Variants in NBPF15 observed in about 807,000 individuals in gnomAD.
NBPF15 encodes the protein NBPF member 15.
NBPF15 carries 74 observed loss-of-function variants against 62.2 expected under a neutral mutation model. The observed-to-expected ratio is 1.19, with a 90% CI of 0.99 to 1.44. The LOEUF (loss-of-function observed/expected upper bound fraction) is 1.44. NBPF15 is among the 40% of genes most tolerant of loss of function. The pLI is 0.00. For missense variants in NBPF15, 790 were observed against 550.0 expected, an observed-to-expected ratio of 1.44 and a Z score of -4.36; for synonymous variants, 244 against 209.7, an observed-to-expected ratio of 1.16 and a Z score of -1.41.
intron 19 of NBPF15, among the ~76,000 whole-genome samples, chr1:144,425,174 C>G (rs1480968330): frequency 7.2e-6 from 1 of 138,576 alleles, no homozygotes. Flanking sequence ...GAGGGAGTAA[C>G]AGGACACTCT....
At chr1:144,447,268 G>A (rs1420043650) in intron 6 of NBPF15, among the ~76,000 whole-genome samples, 1 of 151,976 alleles carries the variant, frequency 6.6e-6, no homozygotes, top group Non-Finnish European at 1.5e-5. Context: ...ATTTCTTAAT[G>A]CCTTGGTGAG....
In NBPF15 at chr1:144,461,207, G is replaced by T. The variant is rs188718799; in HGVS notation, c.-938+174C>A. The stretch of plus-strand genomic sequence containing the variant: ...GAGTTTCTTCCCCAGCGCCCAAGGA[G>T]GGCTGCGGGCGGCAGCGGCAAGCGA... On this transcript the variant is annotated intron_variant, in intron 1 of 21. Transcript: ENST00000581897. Among the ~76,000 whole-genome samples the T allele has an allele frequency of 6.1e-3, 925 of 152,116 alleles. 13 individuals carry two copies. The highest frequency in any genetic ancestry group is 0.037 in the Middle Eastern group (11 of 294).
At position 144,423,899 on chromosome 1, in the gene NBPF15, T is replaced by A. The variant is rs1571102489; in HGVS notation, c.1740A>T (p.Glu580Asp). 1.3e-6 allele frequency: 1 copy of A among 786,388 alleles called. No homozygotes were observed. Among genetic ancestry groups the A allele is most frequent in the African/African-American group, 1.7e-5 (1 of 59,566 alleles). The allele number at this position is 786,388 out of a possible 1,614,324, so 48.7% of individuals were successfully genotyped here. A position where few individuals can be genotyped will look rare whatever the true frequency, so the allele number is the denominator to read the frequency against. ...SKKKRRRGRK[E>D]GEDDNPPCPR... ...GGCATGGTGGGTTGTCATCTTCCCC[T>A]TCTTTTCTTCCCCTTCTTCTTTTCT... Residue 580 changes from glutamate (E) to aspartate (D), a missense_variant, in exon 21 of 22, where the codon GAA (glutamate) becomes GAT (aspartate). Physicochemically the swap from Glu to Asp is conservative, Grantham distance 45. Coordinates refer to ENST00000581897, the MANE Select transcript of NBPF15 (RefSeq NM_001385408.1).
chr1:144,437,452 T>G (rs1254581336), intron 9 of NBPF15, among the ~76,000 whole-genome samples: 1 of 145,032 alleles, frequency 6.9e-6, no homozygotes, highest in African/African-American at 2.6e-5. Flanking sequence ...ATAGTGCATC[T>G]TGCGGCCACT....
intron 14 of NBPF15, among the ~76,000 whole-genome samples, 168 bp downstream of exon 14, chr1:144,429,532 C>T (rs1467506801): frequency 2.0e-5 from 3 of 146,432 alleles, no homozygotes; most frequent in African/African-American, 7.8e-5. Flanking sequence ...CCACCCCATG[C>T]CTGTGCTTCA....
chr1:144,428,635 T>G lies in NBPF15; in HGVS notation c.1011A>C (p.Lys337Asn). Residue 337 changes from lysine (K) to asparagine (N), a missense_variant, in exon 15 of 22, where the codon AAA becomes AAC. By Grantham distance (94) the Lys-to-Asn change is moderately conservative. Transcript: ENST00000581897. ...GACCTGTTGCCTCTTGGTCCTCCTT[T>G]TTCACTTGATCCCACCGATGTCCTG... is the stretch of plus-strand genomic sequence containing the variant. ...DIGRHRWDQV[K>N]KEDQEATGPR... 1 of 946,002 alleles carries G rather than the reference T, an allele frequency of 1.1e-6. No homozygotes were observed. The highest frequency in any genetic ancestry group is 2.4e-5 in the East Asian group (1 of 42,536). 58.6% of individuals were successfully genotyped at this position (946,002 alleles called of 1,614,324 possible).
At chr1:144,459,655 A>G (rs1553547894) in intron 2 of NBPF15, among the ~76,000 whole-genome samples, 172 bp from the exon 3 acceptor site, 1 of 152,000 alleles carries the variant, frequency 6.6e-6, no homozygotes, top group Non-Finnish European at 1.5e-5. Context: ...AAACAAGCAT[A>G]TCAATGAAAA....
In NBPF15 at chr1:144,440,293, C is replaced by A. The variant is rs1402636181; in HGVS notation, c.-188G>T. ...GATTGTGGCCAGCGTGCCAGGTAAC[C>A]GTCTGCAGTTGCAATAACAGAATTA... On this transcript the variant is annotated splice_region_variant and 5_prime_UTR_variant, in exon 7 of 22. Coordinates refer to ENST00000581897, the MANE Select transcript of NBPF15 (RefSeq NM_001385408.1). 5.6e-6 allele frequency: 8 copies of A among 1,429,138 alleles called. No individual in the cohort carries two copies. The highest frequency in any genetic ancestry group is 7.5e-6 in the Non-Finnish European group (8 of 1,069,796). 88.5% of individuals were successfully genotyped at this position (1,429,138 alleles called of 1,614,324 possible).
At position 144,440,182 on chromosome 1, in the gene NBPF15, C is replaced by T; in HGVS notation, c.-77G>A. The T allele has an allele frequency of 6.5e-7, 1 of 1,548,596 alleles. No individual in the cohort carries two copies. The highest frequency in any genetic ancestry group is 1.2e-5 in the South Asian group (1 of 86,778). The stretch of plus-strand genomic sequence containing the variant: ...ATCACTCCCCACAGCACTTTAGGAT[C>T]CTTCACCACAAAAACAAGGTTCGAG... On this transcript the variant is annotated 5_prime_UTR_variant, in exon 7 of 22. Coordinates refer to ENST00000581897, the MANE Select transcript of NBPF15 (RefSeq NM_001385408.1).
intron 20 of NBPF15, 132 bp downstream of exon 20, chr1:144,424,558 C>A (rs1307044296): frequency 9.5e-6 from 6 of 633,438 alleles, no homozygotes; most frequent in South Asian, 5.9e-5. Flanking sequence ...TTTCATTCAA[C>A]CTACATGTGC....
At chr1:144,458,300 A>G (rs1302719650) in intron 3 of NBPF15, among the ~76,000 whole-genome samples, 3 of 151,962 alleles carry the variant, frequency 2.0e-5, no homozygotes, top group Admixed American at 2.0e-4. Flanking sequence ...AAAAAGATAA[A>G]TAAATAAAGA....
At chr1:144,443,297 T>C (rs2102376877) in intron 6 of NBPF15, among the ~76,000 whole-genome samples, 1 of 152,146 alleles carries the variant, frequency 6.6e-6, no homozygotes, top group African/African-American at 2.4e-5. Flanking sequence ...GAATCTGTAT[T>C]CTTTTACTTT....
chr1:144,445,694 C>G (rs1376936857), intron 6 of NBPF15, among the ~76,000 whole-genome samples: 12 of 151,388 alleles, frequency 7.9e-5, no homozygotes, highest in Non-Finnish European at 1.6e-4. Context: ...TGCATTGGAT[C>G]TGGAGATCAA....
At position 144,422,986 on chromosome 1, in the gene NBPF15, G is replaced by C; in HGVS notation, c.*27C>G. 6.2e-7 allele frequency: 1 copy of C among 1,611,666 alleles called. No homozygotes were observed. Among genetic ancestry groups the C allele is most frequent in the Non-Finnish European group, 8.5e-7 (1 of 1,179,624 alleles). On this transcript the variant is annotated 3_prime_UTR_variant, in exon 22 of 22. Coordinates refer to ENST00000581897, the MANE Select transcript of NBPF15 (RefSeq NM_001385408.1). Reference sequence around the variant, plus strand: ...GCCTATAGGTCCTGCCTGCAGGAATGACATCTCTCGGCTTAGTAAGAGCTG... The same window carrying C: ...GCCTATAGGTCCTGCCTGCAGGAATCACATCTCTCGGCTTAGTAAGAGCTG...
rs371617713 is a variant in NBPF15 at position 144,439,693 on chromosome 1, G to C, written c.175+136C>G. The C allele has an allele frequency of 2.6e-5, 16 of 610,684 alleles. 1 individual carries two copies. The highest frequency in any genetic ancestry group is 2.2e-4 in the East Asian group (7 of 32,186). The allele number at this position is 610,684 out of a possible 1,614,324, so 37.8% of individuals were successfully genotyped here. On this transcript the variant is annotated intron_variant, in intron 8 of 21. Coordinates refer to ENST00000581897, the MANE Select transcript of NBPF15 (RefSeq NM_001385408.1). ...CTCTGTCTTCCAACTTTAACAAAATGTTAAAATACCCATTTCTGTTTTCCT... is the reference window on the plus strand; with the variant it reads ...CTCTGTCTTCCAACTTTAACAAAATCTTAAAATACCCATTTCTGTTTTCCT...
At position 144,426,328 on chromosome 1, in the gene NBPF15, G is replaced by A. The variant is rs782539916; in HGVS notation, c.1388C>T (p.Ala463Val). 21 of 770,730 alleles carry A rather than the reference G, an allele frequency of 2.7e-5. No individual in the cohort carries two copies. The South Asian group carries it at 2.9e-4, about 11-fold the overall frequency. The allele number at this position is 770,730 out of a possible 1,614,324, so 47.7% of individuals were successfully genotyped here. Residue 463 changes from alanine (A) to valine (V), a missense_variant, in exon 18 of 22, where the codon GCT becomes GTT. Transcript: ENST00000581897. The part of the protein sequence containing the change: ...LPDLGQPYSS[A>V]VYSLEEQYLG... ...GTACTGTTCCTCCAATGAGTAAACA[G>A]CACTGCTGTAGGGCTGGCCTAAGTC...
At chr1:144,441,109 G>C (rs1408765004) in intron 6 of NBPF15, among the ~76,000 whole-genome samples, 4 of 151,946 alleles carry the variant, frequency 2.6e-5, no homozygotes, top group African/African-American at 4.8e-5. Context: ...TCTGATGGGA[G>C]ACAGGTTTAC....
At position 144,427,605 on chromosome 1, in the gene NBPF15, A is replaced by C. The variant is rs1553539519; in HGVS notation, c.1213+213T>G. 1.4e-5 allele frequency among the ~76,000 whole-genome samples: 2 copies of C among 145,908 alleles called. 1 individual carries two copies. The highest frequency in any genetic ancestry group is 5.5e-5 in the African/African-American group (2 of 36,282). On this transcript the variant is annotated intron_variant, in intron 16 of 21. Coordinates refer to ENST00000581897, the MANE Select transcript of NBPF15 (RefSeq NM_001385408.1). ...AGAGTAGGATTAGGGCGCCACAGGC[A>C]TGGCCTGAGACTAGGAAGAGAGCCT...
chr1:144,451,229 C>A (rs1690901231), intron 4 of NBPF15, among the ~76,000 whole-genome samples: 1 of 151,818 alleles, frequency 6.6e-6, no homozygotes, highest in Non-Finnish European at 1.5e-5. Context: ...TATACAGAAA[C>A]ATCTCAATGC....
Sources: gnomAD v4.1 joint callset for allele counts (sites outside exome capture counted in the v4.1 genomes callset) on GRCh38, gnomAD v4.1.1 for gene constraint, MANE v1.5 for transcripts, NCBI Gene and HGNC (gene_info 2026-07-23, HGNC 2026-07-21) for gene names.